The following COBL variants were observed in gnomAD, a reference collection of about 807,000 sequenced individuals.
COBL encodes the protein cordon-bleu WH2 repeat protein, also known as protein cordon-bleu.
Under a neutral mutation model 98.8 loss-of-function variants are expected in COBL, and 51 were observed. The observed-to-expected ratio is 0.52, with a 90% CI of 0.41 to 0.65. COBL has a LOEUF of 0.65. Ranked by LOEUF, COBL falls within the 30% of genes least tolerant of loss-of-function variation. COBL has a pLI of 0.00. For synonymous variants in COBL, 634 were observed against 651.7 expected, an observed-to-expected ratio of 0.97 and a Z score of 0.41; for missense variants, 1,617 against 1,617.5, an observed-to-expected ratio of 1.00 and a Z score of 0.01.
chr7:51,209,253 T>C (rs1792165913), intron 2 of COBL, among the ~76,000 whole-genome samples: 1 of 152,012 alleles, frequency 6.6e-6, no homozygotes, highest in South Asian at 2.1e-4. Context: ...GCATCAATAA[T>C]GTTCTCATTG....
Position 51,016,245 on chromosome 7 carries a change from AAGAC to A in COBL, c.*1302_*1305del, listed in dbSNP as rs1350870846. Reference sequence around the variant, plus strand: ...GATTTTCTTTTATTTGTGGCACTAAAAGACAGATAGCTGTGATGAAGAGCAATTG... The same window carrying A: ...GATTTTCTTTTATTTGTGGCACTAAAAGATAGCTGTGATGAAGAGCAATTG... On this transcript the variant is annotated 3_prime_UTR_variant, in exon 13 of 13. Coordinates refer to ENST00000265136, the MANE Select transcript of COBL (RefSeq NM_015198.5). The A allele has an allele frequency of 2.0e-5, 3 of 152,332 alleles. No homozygotes were observed. Among genetic ancestry groups the A allele is most frequent in the Admixed American group, 6.5e-5 (1 of 15,294 alleles). 9.4% of individuals were successfully genotyped at this position (152,332 alleles called of 1,614,324 possible).
chr7:51,206,905 G>A (rs1033509379), intron 2 of COBL, among the ~76,000 whole-genome samples: 4 of 152,190 alleles, frequency 2.6e-5, no homozygotes, highest in Admixed American at 6.5e-5. Context: ...TTTCTGTTAC[G>A]AAGGACAAGT....
chr7:51,299,344 C>T (rs1187562945), intron 1 of COBL, among the ~76,000 whole-genome samples: 1 of 152,208 alleles, frequency 6.6e-6, no homozygotes, highest in Non-Finnish European at 1.5e-5. Flanking sequence ...AAATCCTTTG[C>T]TTCGATTTGC....
In COBL at chr7:51,030,994, A is replaced by G. The variant is rs1048587392; in HGVS notation, c.1407-85T>C. 3.7e-5 allele frequency: 34 copies of G among 922,058 alleles called. No individual in the cohort carries two copies. In the Admixed American group the frequency reaches 5.6e-4, roughly 15 times the overall value. 57.1% of individuals were successfully genotyped at this position (922,058 alleles called of 1,614,324 possible). On this transcript the variant is annotated intron_variant, in intron 8 of 12. Coordinates refer to ENST00000265136, the MANE Select transcript of COBL (RefSeq NM_015198.5). ...CTTTCCAGGAATATCTGAGGATAGAACAGCTCATACTCAAATTCAAGCAGT... is the reference window on the plus strand; with the variant it reads ...CTTTCCAGGAATATCTGAGGATAGAGCAGCTCATACTCAAATTCAAGCAGT...
chr7:51,245,836 A>T (rs1251976596), intron 1 of COBL, among the ~76,000 whole-genome samples: 1 of 152,244 alleles, frequency 6.6e-6, no homozygotes, highest in African/African-American at 2.4e-5. Context: ...ACATTGGGGC[A>T]CTTTTAAAGT....
At position 51,028,557 on chromosome 7, in the gene COBL, G is replaced by A; in HGVS notation, c.2539C>T (p.Pro847Ser). 6.2e-7 allele frequency: 1 copy of A among 1,614,248 alleles called. No homozygotes were observed. The highest frequency in any genetic ancestry group is 8.5e-7 in the Non-Finnish European group (1 of 1,180,044). The change falls in exon 10 of 13, where the codon CCA becomes TCA. Residue 847 changes from proline to serine, a missense_variant. By Grantham distance (74) the Pro-to-Ser change is moderately conservative. This residue lies in a region of COBL where 1,304 missense variants were observed against 1,282.0 expected (regional missense o/e 1.02). Transcript: ENST00000265136. ...GTGACTTCTGTGGTGTGAGCTGCTG[G>A]CACCCTCACGTGACCCATGCCCATG... is the stretch of plus-strand genomic sequence containing the variant. ...PTMGMGHVRV[P>S]AAHTTEVTFL...
chr7:51,233,339 G>A (rs937085956), intron 1 of COBL, among the ~76,000 whole-genome samples: 4 of 152,074 alleles, frequency 2.6e-5, no homozygotes, highest in African/African-American at 9.7e-5. Flanking sequence ...GAACAGAAAC[G>A]CCAGACCTAG....
In COBL at chr7:51,028,412, C is replaced by A. The variant is rs774862992; in HGVS notation, c.2684G>T (p.Gly895Val). The A allele has an allele frequency of 8.1e-6, 13 of 1,614,264 alleles. No individual in the cohort carries two copies. Among genetic ancestry groups the A allele is most frequent in the African/African-American group, 1.3e-5 (1 of 75,080 alleles). The change falls in exon 10 of 13, where the codon GGT (glycine) becomes GTT (valine). Residue 895 changes from glycine (G) to valine (V), a missense_variant. Coordinates refer to ENST00000265136, the MANE Select transcript of COBL (RefSeq NM_015198.5). The part of the protein sequence containing the change: ...VVRPHGYAEK[G>V]YAGKAPVLAA... ...CAGCACTGGCGCCTTGCCTGCATAA[C>A]CCTTCTCGGCATAACCGTGTGGCCT...
intron 2 of COBL, among the ~76,000 whole-genome samples, chr7:51,197,107 T>C (rs1790666129): frequency 6.6e-6 from 1 of 152,160 alleles, no homozygotes; most frequent in Non-Finnish European, 1.5e-5. Context: ...GCTCTTTCAA[T>C]TGTAGTGTTA....
intron 7 of COBL, among the ~76,000 whole-genome samples, chr7:51,068,929 G>A (rs937281024): frequency 1.3e-5 from 2 of 152,038 alleles, no homozygotes; most frequent in Non-Finnish European, 2.9e-5. Flanking sequence ...CACATCTAAG[G>A]TTTCTGCTAT....
intron 7 of COBL, chr7:51,082,949 C>T: frequency 1.0e-6 from 1 of 974,152 alleles, no homozygotes; most frequent in South Asian, 1.4e-5. Context: ...GAAGGAAAGG[C>T]ACACACATCC....
chr7:51,172,783 T>C (rs1007019065), intron 5 of COBL, among the ~76,000 whole-genome samples: 1 of 152,126 alleles, frequency 6.6e-6, no homozygotes, highest in African/African-American at 2.4e-5. Flanking sequence ...TTTTCTTTCT[T>C]TTCTTTCTCT....
chr7:51,291,921 G>A (rs1472161584), intron 1 of COBL, among the ~76,000 whole-genome samples: 2 of 152,062 alleles, frequency 1.3e-5, no homozygotes, highest in Non-Finnish European at 1.5e-5. Flanking sequence ...AGCATTGCTG[G>A]GAGGCTGAAA....
chr7:51,290,101 G>A (rs1017694395), intron 1 of COBL, among the ~76,000 whole-genome samples: 1 of 152,194 alleles, frequency 6.6e-6, no homozygotes, highest in Non-Finnish European at 1.5e-5. Flanking sequence ...AGTAACCTTA[G>A]GGTGGTCATA....
intron 1 of COBL, among the ~76,000 whole-genome samples, chr7:51,233,758 G>A (rs1794984573): frequency 6.6e-6 from 1 of 152,190 alleles, no homozygotes; most frequent in South Asian, 2.1e-4. Context: ...ACAGTTCAGG[G>A]AAACGGACGT....
At chr7:51,180,592 C>T (rs73120423) in intron 5 of COBL, among the ~76,000 whole-genome samples, 6,672 of 152,274 alleles carry the variant, frequency 0.044, 200 homozygotes, top group Non-Finnish European at 0.07. Flanking sequence ...AAGTGTAAAA[C>T]TAATTTTACA....
intron 1 of COBL, among the ~76,000 whole-genome samples, chr7:51,268,389 C>T (rs1378025799): frequency 6.6e-6 from 1 of 152,192 alleles, no homozygotes; most frequent in Non-Finnish European, 1.5e-5. Flanking sequence ...AGCTCCTTCA[C>T]TAACAGCCTC....
chr7:51,213,900 G>C (rs887213416), intron 2 of COBL, among the ~76,000 whole-genome samples: 5 of 152,102 alleles, frequency 3.3e-5, no homozygotes, highest in Admixed American at 6.5e-5. Context: ...TGAATTTAGT[G>C]GGGGCGGGGG....
At chr7:51,097,842 T>C (rs1295714766) in intron 6 of COBL, among the ~76,000 whole-genome samples, 1 of 151,882 alleles carries the variant, frequency 6.6e-6, no homozygotes, top group Non-Finnish European at 1.5e-5. Context: ...GCTAACACAG[T>C]GAAACCCTGT....
Sources: allele counts gnomAD v4.1 joint callset (sites outside exome capture counted in the v4.1 genomes callset), GRCh38; gene constraint gnomAD v4.1.1; regional missense constraint gnomAD v4.1.1; transcripts MANE v1.5; gene names NCBI Gene and HGNC (gene_info 2026-07-23, HGNC 2026-07-21).